WDPCP: variants seen among roughly 807,000 people sequenced by gnomAD.
The protein encoded by WDPCP is WD repeat-containing and planar cell polarity effector protein fritz homolog.
In WDPCP, 71 loss-of-function variants were observed where a neutral mutation model predicts 93.1. That is an observed-to-expected ratio of 0.76 (90% confidence interval 0.63 to 0.93). The LOEUF is 0.93. Among genes scored for constraint, WDPCP ranks in the 40% least tolerant of loss-of-function variants. The pLI is 0.00. For synonymous variants in WDPCP, 315 were observed against 315.0 expected, an observed-to-expected ratio of 1.00 and a Z score of 0.00; for missense variants, 844 against 887.4, an observed-to-expected ratio of 0.95 and a Z score of 0.62.
At chr2:63,281,087 G>A (rs1000250928) in intron 13 of WDPCP, among the ~76,000 whole-genome samples, 114 of 151,578 alleles carry the variant, frequency 7.5e-4, no homozygotes, top group African/African-American at 2.4e-3. Context: ...TACATCTAAC[G>A]AAGGACTAAT....
In WDPCP at chr2:63,174,708, A is replaced by G. The variant is rs1248612358; in HGVS notation, c.2040T>C (p.His680=). The change falls in exon 15 of 18, where the codon CAT becomes CAC. Residue 680 remains histidine (H), a synonymous_variant. Transcript: ENST00000272321. ...NLPPSCPTHR[H]ILQQRILNGS... ...CATTCAGTATTCTTTGTTGTAAAATATGTCTGTGGGTTGGGCAAGAGGGAG... is the reference window on the plus strand; with the variant it reads ...CATTCAGTATTCTTTGTTGTAAAATGTGTCTGTGGGTTGGGCAAGAGGGAG... The G allele has an allele frequency of 1.2e-6, 2 of 1,613,958 alleles. No individual in the cohort carries two copies. The highest frequency in any genetic ancestry group is 1.7e-6 in the Non-Finnish European group (2 of 1,179,908).
At chr2:63,324,084 C>T (rs1295379476) in intron 12 of WDPCP, among the ~76,000 whole-genome samples, 1 of 152,076 alleles carries the variant, frequency 6.6e-6, no homozygotes, top group Non-Finnish European at 1.5e-5. Context: ...TACAGCCTGG[C>T]CCCAATATTC....
intron 2 of WDPCP, among the ~76,000 whole-genome samples, chr2:63,776,899 G>A (rs1446214196): frequency 6.6e-6 from 1 of 152,056 alleles, no homozygotes; most frequent in Non-Finnish European, 1.5e-5. Context: ...CATAAAAAAA[G>A]TTGATCTCAT....
chr2:63,568,332 G>A (rs192798442), intron 1 of WDPCP, among the ~76,000 whole-genome samples: 42 of 115,178 alleles, frequency 3.6e-4, no homozygotes, highest in Non-Finnish European at 5.1e-4. Flanking sequence ...TATAAATGCT[G>A]AATAAATTCC....
intron 3 of WDPCP, among the ~76,000 whole-genome samples, chr2:63,640,229 C>T (rs750623099): frequency 7.2e-5 from 11 of 151,842 alleles, no homozygotes; most frequent in African/African-American, 1.2e-4. Context: ...AGGATGGTGT[C>T]GATCTCCTGA....
intron 14 of WDPCP, among the ~76,000 whole-genome samples, chr2:63,231,848 G>A (rs923253376): frequency 6.6e-6 from 1 of 151,990 alleles, no homozygotes; most frequent in Non-Finnish European, 1.5e-5. Flanking sequence ...TTCATATGGA[G>A]ACAAAAAAGA....
intron 12 of WDPCP, among the ~76,000 whole-genome samples, chr2:63,368,302 ATTTATTT>A (rs1558527637): frequency 4.0e-4 from 17 of 43,010 alleles, no homozygotes; most frequent in African/African-American, 3.7e-3. Flanking sequence ...TTTTTAATTT[ATTTATTT>A]ATTTATTTAT....
At chr2:63,135,726 T>G (rs886578517) in intron 17 of WDPCP, among the ~76,000 whole-genome samples, 5 of 151,698 alleles carry the variant, frequency 3.3e-5, no homozygotes, top group African/African-American at 1.2e-4. Flanking sequence ...ACAAGGAAAT[T>G]AAGTTTTTTT....
At chr2:63,732,892 A>C (rs888213130) in intron 2 of WDPCP, among the ~76,000 whole-genome samples, 18 of 152,208 alleles carry the variant, frequency 1.2e-4, no homozygotes, top group African/African-American at 4.3e-4. Flanking sequence ...GGAGGCAGAA[A>C]CATGAAGAAC....
At chr2:63,332,328 G>A (rs554603071) in intron 12 of WDPCP, among the ~76,000 whole-genome samples, 9 of 151,916 alleles carry the variant, frequency 5.9e-5, no homozygotes, top group Admixed American at 2.0e-4. Flanking sequence ...GCTCCAGTAT[G>A]GTTATAACAT....
chr2:63,231,164 T>A (rs1678838488), intron 14 of WDPCP, among the ~76,000 whole-genome samples: 1 of 152,140 alleles, frequency 6.6e-6, no homozygotes, highest in Admixed American at 6.5e-5. Context: ...AAACTAGGTA[T>A]TCATGGGACA....
At position 63,694,552 on chromosome 2, in the gene WDPCP, A is replaced by G. The variant is rs562906939; in HGVS notation, n.309-43714T>C. ...TTAGGAGCCTTTTCAAGCAGGAAAT[A>G]ATTTTATTTTATTACCATTCATCAA... On this transcript the variant is annotated intron_variant and non_coding_transcript_variant, in intron 2 of 4. Transcript: ENST00000467687. Among the ~76,000 whole-genome samples the G allele has an allele frequency of 5.3e-5, 8 of 152,270 alleles. No homozygotes were observed. The South Asian group carries it at 1.7e-3, about 32-fold the overall frequency.
chr2:63,234,380 G>C (rs1380132354), intron 14 of WDPCP, among the ~76,000 whole-genome samples: 1 of 152,174 alleles, frequency 6.6e-6, no homozygotes, highest in Non-Finnish European at 1.5e-5. Flanking sequence ...CTTAAGCCCA[G>C]GAGTTTGGGG....
chr2:63,782,943 C>T (rs1670416585), intron 2 of WDPCP, among the ~76,000 whole-genome samples: 1 of 152,052 alleles, frequency 6.6e-6, no homozygotes, highest in Admixed American at 6.6e-5. Context: ...GTGTCACTTC[C>T]TTATTAAAAG....
intron 2 of WDPCP, among the ~76,000 whole-genome samples, chr2:63,795,121 G>A (rs529526970): frequency 6.6e-6 from 1 of 152,270 alleles, no homozygotes; most frequent in South Asian, 2.1e-4. Context: ...TACAATTTGA[G>A]TTAGGGCATT....
intron 12 of WDPCP, among the ~76,000 whole-genome samples, chr2:63,326,938 CTTG>C (rs1489637372): frequency 6.6e-6 from 1 of 152,216 alleles, no homozygotes; most frequent in Non-Finnish European, 1.5e-5. Context: ...CCAATACCAC[CTTG>C]TTGTCAGTGT....
At chr2:63,379,745 G>A (rs1408062977) in intron 11 of WDPCP, among the ~76,000 whole-genome samples, 1 of 152,072 alleles carries the variant, frequency 6.6e-6, no homozygotes, top group Non-Finnish European at 1.5e-5. Flanking sequence ...AGAGCTCACT[G>A]GGTTCCACTA....
intron 12 of WDPCP, among the ~76,000 whole-genome samples, chr2:63,375,485 A>T (rs1276270904): frequency 6.6e-6 from 1 of 151,900 alleles, no homozygotes; most frequent in Non-Finnish European, 1.5e-5. Context: ...TAACGTTAGG[A>T]GCTTAATTTA....
intron 13 of WDPCP, among the ~76,000 whole-genome samples, chr2:63,273,015 C>CA (rs1191308287): frequency 6.6e-6 from 1 of 151,974 alleles, no homozygotes; most frequent in Non-Finnish European, 1.5e-5. Flanking sequence ...TGTCAAGTCA[C>CA]ATATAAGGGA....
Sources: gnomAD v4.1 joint callset for allele counts (sites outside exome capture counted in the v4.1 genomes callset) on GRCh38, gnomAD v4.1.1 for gene constraint, MANE v1.5 for transcripts, NCBI Gene and HGNC (gene_info 2026-07-23, HGNC 2026-07-21) for gene names.